The following CD44 variants were observed in gnomAD, a reference collection of about 807,000 sequenced individuals.
CD44 encodes CD44 molecule (IN blood group), also known as CD44 antigen.
In CD44, 49 loss-of-function variants were observed where a neutral mutation model predicts 88.8. The observed-to-expected ratio is 0.55, with a 90% CI of 0.44 to 0.70. The LOEUF is 0.70. Ranked by LOEUF, CD44 falls within the 30% of genes least tolerant of loss-of-function variation. The pLI is 0.00. For missense variants in CD44, 883 were observed against 913.8 expected, an observed-to-expected ratio of 0.97 and a Z score of 0.43; for synonymous variants, 325 against 312.3, an observed-to-expected ratio of 1.04 and a Z score of -0.43.
chr11:35,188,720 C>T (rs1321317155), intron 4 of CD44, among the ~76,000 whole-genome samples: 1 of 151,830 alleles, frequency 6.6e-6, no homozygotes, highest in Admixed American at 6.6e-5. Context: ...GGCAGATCAC[C>T]TGAGGTCAGG....
Position 35,143,737 on chromosome 11 carries a change from C to G in CD44, c.67+4367C>G, listed in dbSNP as rs144898273. 1.5e-3 allele frequency among the ~76,000 whole-genome samples: 233 copies of G among 152,284 alleles called. 1 individual carries two copies. Among genetic ancestry groups the G allele is most frequent in the African/African-American group, 5.3e-3 (221 of 41,548 alleles). ...TTGGCTGCCCTGCCCTGGCCTGTCT[C>G]TCCCCAGGTTTGGCCACAGATATCA... On this transcript the variant is annotated intron_variant, in intron 1 of 17. Transcript: ENST00000428726.
At chr11:35,169,360 G>C (rs1429631058) in intron 1 of CD44, among the ~76,000 whole-genome samples, 1 of 151,620 alleles carries the variant, frequency 6.6e-6, no homozygotes, top group East Asian at 1.9e-4. Context: ...TCTTTACCTG[G>C]TTGTGTCACA....
chr11:35,149,634 G>A (rs1040793484), intron 1 of CD44, among the ~76,000 whole-genome samples: 7 of 152,156 alleles, frequency 4.6e-5, no homozygotes, highest in African/African-American at 9.7e-5. Flanking sequence ...TGTAAAATGC[G>A]AGGGTTGGAT....
At chr11:35,192,870 G>A in intron 5 of CD44, among the ~76,000 whole-genome samples, 2 of 147,924 alleles carry the variant, frequency 1.4e-5, no homozygotes, top group South Asian at 2.1e-4. Flanking sequence ...CTAGGCAGTA[G>A]CTTTTTCCAT....
intron 14 of CD44, chr11:35,214,623 CCA>C (rs1235935817): frequency 1.1e-5 from 4 of 378,794 alleles, no homozygotes; most frequent in Non-Finnish European, 1.4e-5. Flanking sequence ...CTTTGCTGCC[CCA>C]GTTTCCTTAA....
intron 1 of CD44, among the ~76,000 whole-genome samples, chr11:35,168,255 C>T (rs1394195310): frequency 6.6e-6 from 1 of 152,192 alleles, no homozygotes; most frequent in Non-Finnish European, 1.5e-5. Flanking sequence ...CCTGTCATTT[C>T]AGTGTCTGAC....
At chr11:35,181,884 T>TATAATATATAATATATATTATATA in intron 3 of CD44, among the ~76,000 whole-genome samples, 1 of 61,218 alleles carries the variant, frequency 1.6e-5, no homozygotes, top group South Asian at 3.5e-4. Flanking sequence ...TTATATATAA[T>TATAATATATAATATATATTATATA]TCTATATATA....
chr11:35,156,085 A>G (rs1941825406), intron 1 of CD44, among the ~76,000 whole-genome samples: 1 of 151,938 alleles, frequency 6.6e-6, no homozygotes, highest in Admixed American at 6.6e-5. Context: ...CTCCCAATAT[A>G]CCTGATTTAC....
At chr11:35,162,891 C>T (rs534020966) in intron 1 of CD44, among the ~76,000 whole-genome samples, 2 of 152,190 alleles carry the variant, frequency 1.3e-5, no homozygotes, top group Non-Finnish European at 2.9e-5. Flanking sequence ...CACACACATA[C>T]ATGCACACAC....
Position 35,214,907 on chromosome 11 carries a change from A to G in CD44, c.1866A>G (p.Glu622=). The G allele has an allele frequency of 6.4e-7, 1 of 1,554,364 alleles. No individual in the cohort carries two copies. The highest frequency in any genetic ancestry group is 8.7e-7 in the Non-Finnish European group (1 of 1,150,554). Residue 622 remains glutamate (E), a synonymous_variant, in exon 15 of 18, where the codon GAA becomes GAG. Coordinates refer to ENST00000428726, the MANE Select transcript of CD44 (RefSeq NM_000610.4). ...GGTCCCATACCACTCATGGATCTGA[A>G]TCAGATGGTGAGTTCAAAACTGCTT... The part of the protein sequence containing the change: ...SGGSHTTHGS[E]SDGHSHGSQE...
At chr11:35,183,379 T>C (rs1195095004) in intron 3 of CD44, among the ~76,000 whole-genome samples, 1 of 151,418 alleles carries the variant, frequency 6.6e-6, no homozygotes, top group Non-Finnish European at 1.5e-5. Context: ...AGGATAAATG[T>C]GTTTAAGGAT....
intron 3 of CD44, among the ~76,000 whole-genome samples, chr11:35,186,500 A>G (rs913678813): frequency 2.0e-5 from 3 of 151,794 alleles, no homozygotes; most frequent in Non-Finnish European, 4.4e-5. Context: ...ATGTGTTTGC[A>G]TTAGAGAAGG....
chr11:35,174,800 C>A (rs1330537622), intron 1 of CD44, among the ~76,000 whole-genome samples: 1 of 152,132 alleles, frequency 6.6e-6, no homozygotes, highest in Non-Finnish European at 1.5e-5. Flanking sequence ...ATGAGTCATT[C>A]GTTTATATAA....
intron 5 of CD44, among the ~76,000 whole-genome samples, chr11:35,194,405 T>G (rs988011434): frequency 6.6e-5 from 10 of 152,318 alleles, no homozygotes; most frequent in Middle Eastern, 6.8e-3. Flanking sequence ...TAAGTGATAC[T>G]TTCATAATTG....
chr11:35,213,424 G>A (rs1462106951), intron 14 of CD44, among the ~76,000 whole-genome samples: 1 of 152,198 alleles, frequency 6.6e-6, no homozygotes, highest in Non-Finnish European at 1.5e-5. Context: ...GTTGAAGCAA[G>A]CGGATCACTT....
At chr11:35,215,743 G>A (rs904868598) in intron 15 of CD44, among the ~76,000 whole-genome samples, 6 of 151,576 alleles carry the variant, frequency 4.0e-5, no homozygotes, top group African/African-American at 9.7e-5. Flanking sequence ...GTGGTCCTGC[G>A]CACCTGTAAT....
At chr11:35,177,305 C>T (rs3794108) in intron 2 of CD44, among the ~76,000 whole-genome samples, 4,234 of 152,234 alleles carry the variant, frequency 0.028, 77 homozygotes, top group East Asian at 0.079. Context: ...GGGCTCCTAC[C>T]AGTTATTCTA....
chr11:35,161,545 C>T (rs143913614), intron 1 of CD44, among the ~76,000 whole-genome samples: 1 of 152,318 alleles, frequency 6.6e-6, no homozygotes, highest in African/African-American at 2.4e-5. Context: ...GTGGACACAT[C>T]ACAGTTGCAC....
chr11:35,196,694 T>C, intron 5 of CD44, 52 bp from the exon 6 acceptor site: 1 of 1,585,896 alleles, frequency 6.3e-7, no homozygotes, highest in Non-Finnish European at 8.6e-7. Flanking sequence ...TGCTATTTCT[T>C]AGGAACCGTT....
Sources: gnomAD v4.1 joint callset for allele counts (sites outside exome capture counted in the v4.1 genomes callset) on GRCh38, gnomAD v4.1.1 for gene constraint, MANE v1.5 for transcripts, NCBI Gene and HGNC (gene_info 2026-07-23, HGNC 2026-07-21) for gene names.